COL4A6: variants seen among roughly 807,000 people sequenced by gnomAD.
COL4A6 encodes collagen alpha-6(IV) chain.
COL4A6 carries 59 observed loss-of-function variants against 126.7 expected under a neutral mutation model. The ratio of observed to expected loss-of-function variants is 0.47; its 90% CI spans 0.38 to 0.58. The LOEUF (loss-of-function observed/expected upper bound fraction) is 0.58. COL4A6 is among the 20% of genes least tolerant of loss of function. COL4A6 has a pLI of 0.00. For synonymous variants in COL4A6, 547 were observed against 496.6 expected (o/e 1.10, Z -1.35); for missense variants, 1,285 against 1,337.3 (o/e 0.96, Z 0.61).
chrX:108,292,974 G>A (rs1242216619), intron 3 of COL4A6, among the ~76,000 whole-genome samples: 10 of 34,761 alleles, frequency 2.9e-4, no homozygotes, highest in Non-Finnish European at 3.6e-4. Flanking sequence ...AAAAAAGAAA[G>A]GAAAGAGAAG....
rs1009943649 is a variant in COL4A6, at chrX:108,393,281, A to T, written c.63+44661T>A. On this transcript the variant is annotated intron_variant, in intron 2 of 44. Transcript: ENST00000334504. ...TAAACAAAATGTGGTATATTTATAC[A>T]TTGGAATATTATTCAACCATAAAAA... 5.3e-5 allele frequency among the ~76,000 whole-genome samples: 6 copies of T among 112,711 alleles called. No homozygotes were observed. The East Asian group carries it at 1.7e-3, about 31-fold the overall frequency.
chrX:108,214,130 A>G lies in COL4A6; in HGVS notation c.423T>C (p.Pro141=), dbSNP rs1453417763. The change falls in exon 6 of 45, where the codon CCT becomes CCC. Residue 141 remains proline, a synonymous_variant. Transcript: ENST00000334504. ...AGCATACGGGTGGTCCGAGAAGCCC[A>G]GGATAGCCATCAGGGCCTGGAAATC... is the stretch of plus-strand genomic sequence containing the variant. ...AVGFPGPDGY[P]GLLGPPGLPG... is the part of the protein sequence containing the mutation. The G allele has an allele frequency of 8.3e-7, 1 of 1,207,747 alleles. No individual in the cohort carries two copies. Among genetic ancestry groups the G allele is most frequent in the Admixed American group, 2.2e-5 (1 of 45,781 alleles).
At chrX:108,246,902 T>C (rs916837460) in intron 3 of COL4A6, among the ~76,000 whole-genome samples, 2 of 111,970 alleles carry the variant, frequency 1.8e-5, no homozygotes, top group African/African-American at 6.5e-5. Flanking sequence ...ATTTTCCTGC[T>C]GAGTGATTAA....
At chrX:108,318,222 C>T (rs1171226103) in intron 2 of COL4A6, among the ~76,000 whole-genome samples, 1 of 111,245 alleles carries the variant, frequency 9.0e-6, no homozygotes, top group Non-Finnish European at 1.9e-5. Context: ...TGGGACGTAT[C>T]TCAAAATAAT....
At chrX:108,175,872 A>G (rs752391226) in intron 28 of COL4A6, 75 bp from the exon 29 acceptor site, 199 of 890,451 alleles carry the variant, frequency 2.2e-4, no homozygotes, top group Non-Finnish European at 3.1e-4. Context: ...GAGGTTGAGT[A>G]ACTTGCCCAA....
In COL4A6 at chrX:108,156,951, C is replaced by CTGT. The variant is rs2033756445; in HGVS notation, c.*46_*48dup. 8.8e-7 allele frequency: 1 copy of CTGT among 1,139,957 alleles called. No homozygotes were observed. The highest frequency in any genetic ancestry group is 1.2e-6 in the Non-Finnish European group (1 of 839,265). The allele number at this position is 1,139,957 out of a possible 1,213,427, so 93.9% of individuals were successfully genotyped here. A position where few individuals can be genotyped will look rare whatever the true frequency, so the allele number is the denominator to read the frequency against. On this transcript the variant is annotated 3_prime_UTR_variant, in exon 45 of 45. Coordinates refer to ENST00000334504, the MANE Select transcript of COL4A6 (RefSeq NM_033641.4). ...CAGACCATTCAGGTTTGTGAGGTGA[C>CTGT]TGTTGTGAGGGGCAGGGGAGGGCAA...
At chrX:108,229,822 G>A (rs1281594083) in intron 3 of COL4A6, among the ~76,000 whole-genome samples, 2 of 111,846 alleles carry the variant, frequency 1.8e-5, no homozygotes, top group Non-Finnish European at 3.8e-5. Flanking sequence ...TAGCAAGACT[G>A]GAGACAGGGA....
intron 31 of COL4A6, among the ~76,000 whole-genome samples, chrX:108,172,753 G>A (rs912225870): frequency 5.4e-5 from 6 of 111,785 alleles, no homozygotes; most frequent in South Asian, 3.8e-4. Context: ...GGAAGGATTC[G>A]ATTCCACTGC....
chrX:108,335,564 A>G (rs2039410370), intron 2 of COL4A6, among the ~76,000 whole-genome samples: 1 of 111,880 alleles, frequency 8.9e-6, no homozygotes, highest in Admixed American at 9.5e-5. Context: ...ATTTGTGTGT[A>G]CAGTACATGG....
In COL4A6 at chrX:108,377,766, A is replaced by G. The variant is rs760403985; in HGVS notation, c.63+60176T>C. Among the ~76,000 whole-genome samples the G allele has an allele frequency of 1.0e-4, 11 of 106,956 alleles. No individual in the cohort carries two copies. The East Asian group carries it at 3.3e-3, about 32-fold the overall frequency. 92.9% of individuals were successfully genotyped at this position (106,956 alleles called of 115,157 possible). Reference sequence around the variant, plus strand: ...AACATGGTGAAACCCCGTCTCTACTAAAAAAACCAAAAAATTAGATGGGCA... The same window carrying G: ...AACATGGTGAAACCCCGTCTCTACTGAAAAAACCAAAAAATTAGATGGGCA... On this transcript the variant is annotated intron_variant, in intron 2 of 44. Transcript: ENST00000334504.
chrX:108,339,547 T>A (rs1438143306), intron 2 of COL4A6, among the ~76,000 whole-genome samples: 2 of 111,462 alleles, frequency 1.8e-5, no homozygotes, highest in Admixed American at 9.6e-5. Flanking sequence ...ATCCTATTCT[T>A]CCACATGTTT....
intron 2 of COL4A6, among the ~76,000 whole-genome samples, chrX:108,377,594 G>T: frequency 1.0e-5 from 1 of 99,569 alleles, no homozygotes. Context: ...GATCATTCTT[G>T]GGTGTTTCTT....
intron 5 of COL4A6, among the ~76,000 whole-genome samples, chrX:108,218,702 A>G (rs958579309): frequency 8.9e-6 from 1 of 111,847 alleles, no homozygotes; most frequent in Non-Finnish European, 1.9e-5. Context: ...ACATTAGATT[A>G]TTATTGAGTA....
chrX:108,176,711 C>G, intron 28 of COL4A6, 130 bp downstream of exon 28: 1 of 749,987 alleles, frequency 1.3e-6, no homozygotes, highest in Admixed American at 3.1e-5. Context: ...GTCCAACTAT[C>G]TTGACACAAA....
rs1198939791 is a variant in COL4A6 at position 108,273,375 on chromosome X, T to C, written c.144+37373A>G. Among the ~76,000 whole-genome samples, 4 of 110,298 alleles carry C rather than the reference T, an allele frequency of 3.6e-5. No individual in the cohort carries two copies. In the East Asian group the frequency reaches 1.1e-3, roughly 32 times the overall value. Reference sequence around the variant, plus strand: ...TGGAGAAATAGGAACACTTTTACACTGTTGGTGGGACTGTAAACTAGTTCA... The same window carrying C: ...TGGAGAAATAGGAACACTTTTACACCGTTGGTGGGACTGTAAACTAGTTCA... On this transcript the variant is annotated intron_variant, in intron 3 of 44. Transcript: ENST00000334504.
At position 108,174,541 on chromosome X, in the gene COL4A6, T is replaced by G. The variant is rs369517435; in HGVS notation, c.3037A>C (p.Ser1013Arg). ...AAGCCAGGGGGCCCTGGCTTTCCAC[T>G]AACTCCTTTGATAATGCCTGGGAGG... ...PGLPGIIKGV[S>R]GKPGPPGFMG... is the part of the protein sequence containing the mutation. The change falls in exon 31 of 45, where the codon AGT (serine) becomes CGT (arginine). Residue 1013 changes from serine (S) to arginine (R), a missense_variant. Transcript: ENST00000334504. 2.5e-6 allele frequency: 3 copies of G among 1,209,423 alleles called. No individual in the cohort carries two copies. Among genetic ancestry groups the G allele is most frequent in the Non-Finnish European group, 3.4e-6 (3 of 894,368 alleles).
At chrX:108,196,810 C>A (rs1170538364) in intron 13 of COL4A6, among the ~76,000 whole-genome samples, 2 of 112,349 alleles carry the variant, frequency 1.8e-5, no homozygotes, top group Non-Finnish European at 3.8e-5. Context: ...ACCCACAACA[C>A]TGTTCCATGT....
intron 2 of COL4A6, among the ~76,000 whole-genome samples, chrX:108,403,059 G>A (rs763841486): frequency 3.6e-4 from 40 of 111,291 alleles, no homozygotes; most frequent in African/African-American, 1.3e-3. Context: ...TAAGATAGCA[G>A]ATTTGTTATT....
At chrX:108,363,510 T>C (rs1214306168) in intron 2 of COL4A6, among the ~76,000 whole-genome samples, 1 of 112,140 alleles carries the variant, frequency 8.9e-6, no homozygotes, top group Non-Finnish European at 1.9e-5. Flanking sequence ...AGGTATAACT[T>C]GTCCCCAAAT....
Sources: allele counts gnomAD v4.1 joint callset (sites outside exome capture counted in the v4.1 genomes callset), GRCh38; gene constraint gnomAD v4.1.1; transcripts MANE v1.5; gene names NCBI Gene and HGNC (gene_info 2026-07-23, HGNC 2026-07-21).